Variants in GCA observed in about 807,000 individuals in gnomAD.
The protein encoded by GCA is grancalcin, EF-hand calcium-binding protein.
Under a neutral mutation model 32.6 loss-of-function variants are expected in GCA, and 30 were observed. That is an observed-to-expected ratio of 0.92 (90% confidence interval 0.69 to 1.25). The LOEUF is 1.25. GCA is among the 50% of genes most tolerant of loss of function. The pLI, the probability that GCA is intolerant of heterozygous loss-of-function variation, is 0.00. For missense variants in GCA, 291 were observed against 266.8 expected (o/e 1.09, Z -0.63); for synonymous variants, 102 against 84.6 (o/e 1.21, Z -1.13).
At chr2:162,372,755 G>A (rs945051590), downstream of GCA, among the ~76,000 whole-genome samples, 2 of 151,870 alleles carry the variant, frequency 1.3e-5, no homozygotes, top group African/African-American at 2.4e-5. Context: ...TTGTTCTTAG[G>A]TCCAATTTCA....
rs369023770 is a variant in GCA at position 162,323,839 on chromosome 2, G to A, written c.-31+4614G>A. 2.2e-4 allele frequency among the ~76,000 whole-genome samples: 34 copies of A among 151,990 alleles called. 2 individuals carry two copies. In the East Asian group the frequency reaches 6.0e-3, roughly 27 times the overall value. On this transcript the variant is annotated intron_variant, in intron 1 of 4. Transcript: ENST00000429691. ...TTGTAGTATTGTTTGAAGTCAGGTA[G>A]GGTGATGCCTCCAGCTTTGTTCTTT...
intron 5 of GCA, 135 bp downstream of exon 5, chr2:162,357,040 G>T: frequency 1.7e-6 from 1 of 575,674 alleles, no homozygotes; most frequent in Non-Finnish European, 3.0e-6. Context: ...TTGTTTTCAA[G>T]GTTGTAGGTA....
downstream of GCA, chr2:162,372,074 C>T: frequency 1.2e-6 from 2 of 1,612,648 alleles, no homozygotes; most frequent in Non-Finnish European, 1.7e-6. Context: ...TTAGATTTTT[C>T]AAGGTCTAGA....
At position 162,344,152 on chromosome 2, in the gene GCA, C is replaced by CTGCAGCTGCGCCTCCT. The variant is rs1684548909; in HGVS notation, c.-92_-77dup. ...CGGTTAGTGCGCCTTTCAGCCTCAC[C>CTGCAGCTGCGCCTCCT]TGCAGCTGCGCCTCCTTGCACCTGC... On this transcript the variant is annotated 5_prime_UTR_variant, in exon 1 of 8. Transcript: ENST00000437150. The CTGCAGCTGCGCCTCCT allele has an allele frequency of 9.8e-6, 13 of 1,332,850 alleles. No homozygotes were observed. The highest frequency in any genetic ancestry group is 2.4e-5 in the South Asian group (2 of 83,272). The allele number at this position is 1,332,850 out of a possible 1,614,324, so 82.6% of individuals were successfully genotyped here.
Position 162,360,862 on chromosome 2 carries a change from T to C in GCA, c.*619T>C, listed in dbSNP as rs1272450304. On this transcript the variant is annotated 3_prime_UTR_variant, in exon 8 of 8. Transcript: ENST00000437150. The stretch of plus-strand genomic sequence containing the variant: ...TTTTCCTTTTTTATTTTTTGTATTA[T>C]ATATTTTTCTTAAATATGTTTTATT... 4 of 1,119,604 alleles carry C rather than the reference T, an allele frequency of 3.6e-6. No individual in the cohort carries two copies. The highest frequency in any genetic ancestry group is 4.5e-6 in the Non-Finnish European group (4 of 889,332). 69.4% of individuals were successfully genotyped at this position (1,119,604 alleles called of 1,614,324 possible).
At chr2:162,344,373 C>A in intron 1 of GCA, 98 bp downstream of exon 1, 1 of 1,174,872 alleles carries the variant, frequency 8.5e-7, no homozygotes, top group East Asian at 2.5e-5. Context: ...CTCCTGCTCC[C>A]TGCGTCCGCG....
chr2:162,365,837 C>G (rs536331974), downstream of GCA, among the ~76,000 whole-genome samples: 2 of 151,584 alleles, frequency 1.3e-5, no homozygotes, highest in Admixed American at 6.6e-5. Context: ...GATGCCATAT[C>G]ATTTCAGTGC....
rs1685587348 is a variant in GCA, at chr2:162,361,898, A to G, written c.*1655A>G. 1.0e-6 allele frequency: 1 copy of G among 984,676 alleles called. No homozygotes were observed. Among genetic ancestry groups the G allele is most frequent in the Non-Finnish European group, 1.2e-6 (1 of 829,444 alleles). The allele number at this position is 984,676 out of a possible 1,614,324, so 61.0% of individuals were successfully genotyped here. On this transcript the variant is annotated 3_prime_UTR_variant, in exon 8 of 8. Transcript: ENST00000437150. ...TCAGCAACCTGTAATCTTAACATCC[A>G]GGTTATACAGATGGTCGTTACTGAA...
At chr2:162,373,493 G>A (rs372533434), downstream of GCA, 8 of 1,553,148 alleles carry the variant, frequency 5.2e-6, no homozygotes, top group Non-Finnish European at 7.0e-6. Context: ...CTGAAACTTC[G>A]GTCAGTTTTG....
chr2:162,325,921 G>A (rs1022269235), intron 1 of GCA, among the ~76,000 whole-genome samples: 4 of 152,112 alleles, frequency 2.6e-5, no homozygotes, highest in African/African-American at 7.2e-5. Context: ...GACCTTACTG[G>A]GCCCAAATTC....
At chr2:162,343,635 T>C (rs1684521538), upstream of GCA, among the ~76,000 whole-genome samples, 1 of 152,200 alleles carries the variant, frequency 6.6e-6, no homozygotes, top group Non-Finnish European at 1.5e-5. Context: ...GAAGCACTCC[T>C]CCTGGACCAC....
chr2:162,341,800 ACT>A (rs1684462711), upstream of GCA, among the ~76,000 whole-genome samples: 1 of 152,110 alleles, frequency 6.6e-6, no homozygotes, highest in African/African-American at 2.4e-5. Context: ...CTGCAGCCAT[ACT>A]CTCAGATTTG....
At chr2:162,347,518 A>T in intron 1 of GCA, 60 bp from the exon 2 acceptor site, 2 of 1,054,640 alleles carry the variant, frequency 1.9e-6, no homozygotes, top group Non-Finnish European at 1.3e-6. Context: ...TTTTAATCCA[A>T]CTTTCATAGA....
Position 162,362,665 on chromosome 2 carries a change from C to CAT in GCA, c.*2433_*2434dup, listed in dbSNP as rs148185619. The CAT allele has an allele frequency of 1.0e-3, 617 of 595,348 alleles. No individual in the cohort carries two copies. Among genetic ancestry groups the CAT allele is most frequent in the Non-Finnish European group, 1.2e-3 (560 of 474,278 alleles). 36.9% of individuals were successfully genotyped at this position (595,348 alleles called of 1,614,324 possible). On this transcript the variant is annotated 3_prime_UTR_variant, in exon 8 of 8. Coordinates refer to ENST00000437150, the MANE Select transcript of GCA (RefSeq NM_012198.5). ...GTTTTGTATCATACAAAATCTGTTA[C>CAT]ATATATATATATTATGAGATGCTTC...
intron 4 of GCA, 97 bp from the exon 5 acceptor site, chr2:162,356,661 T>A: frequency 1.1e-6 from 1 of 942,972 alleles, no homozygotes; most frequent in Non-Finnish European, 1.6e-6. Context: ...ATAATGAGTT[T>A]GGCTAAGTCT....
rs1685598446 is a variant in GCA, at chr2:162,362,130, A to G, written c.*1887A>G. 1.0e-6 allele frequency: 1 copy of G among 984,546 alleles called. No individual in the cohort carries two copies. The highest frequency in any genetic ancestry group is 1.2e-6 in the Non-Finnish European group (1 of 829,450). The allele number at this position is 984,546 out of a possible 1,614,324, so 61.0% of individuals were successfully genotyped here. On this transcript the variant is annotated 3_prime_UTR_variant, in exon 8 of 8. Transcript: ENST00000437150. ...TGAAGGAGCTTCCATGGCCAAACAT[A>G]TTTAGAAACTCTCACTTTCTAAAGC...
downstream of GCA, among the ~76,000 whole-genome samples, chr2:162,373,918 T>A (rs549294073): frequency 5.3e-5 from 8 of 152,336 alleles, 1 homozygote; most frequent in South Asian, 1.7e-3. Flanking sequence ...ATAGACTACA[T>A]GTTTACTAAC....
At chr2:162,348,509 A>T (rs1424569630) in intron 2 of GCA, among the ~76,000 whole-genome samples, 2 of 152,170 alleles carry the variant, frequency 1.3e-5, no homozygotes, top group Non-Finnish European at 2.9e-5. Flanking sequence ...TCATGTCAGG[A>T]TTTATTAATT....
At chr2:162,372,747 G>T (rs1233512317), downstream of GCA, among the ~76,000 whole-genome samples, 2 of 151,986 alleles carry the variant, frequency 1.3e-5, no homozygotes, top group African/African-American at 4.8e-5. Flanking sequence ...TTAAATCATT[G>T]TTCTTAGGTC....
Sources: allele counts gnomAD v4.1 joint callset (sites outside exome capture counted in the v4.1 genomes callset), GRCh38; gene constraint gnomAD v4.1.1; transcripts MANE v1.5; gene names NCBI Gene and HGNC (gene_info 2026-07-23, HGNC 2026-07-21).